Variants in SLC8A1 observed in about 807,000 individuals in gnomAD.
The protein encoded by SLC8A1 is sodium/calcium exchanger 1.
A neutral mutation model predicts 68.3 loss-of-function variants in SLC8A1; 18 were observed. That is an observed-to-expected ratio of 0.26 (90% CI 0.18 to 0.39). SLC8A1 has a LOEUF of 0.39. Ranked by LOEUF, SLC8A1 falls within the 10% of genes least tolerant of loss-of-function variation. The pLI is 1.00. For missense variants in SLC8A1, 985 were observed against 1,156.7 expected, an observed-to-expected ratio of 0.85 and a Z score of 2.15; for synonymous variants, 475 against 415.5, an observed-to-expected ratio of 1.14 and a Z score of -1.74.
In SLC8A1 at chr2:40,303,273, G is replaced by A. The variant is rs2071882875; in HGVS notation, c.1808+125200C>T. ...AGCAGGAAAGAAGCTTTCCCAAAGAGGAGGAGATTTTACTTCAAGAGTTAT... is the reference window on the plus strand; with the variant it reads ...AGCAGGAAAGAAGCTTTCCCAAAGAAGAGGAGATTTTACTTCAAGAGTTAT... On this transcript the variant is annotated intron_variant, in intron 2 of 7. Transcript: ENST00000406785. Among the ~76,000 whole-genome samples the A allele has an allele frequency of 2.0e-5, 3 of 152,294 alleles. No individual in the cohort carries two copies. The South Asian group carries it at 6.2e-4, about 32-fold the overall frequency.
At chr2:40,414,834 C>CA (rs2149714332) in intron 2 of SLC8A1, among the ~76,000 whole-genome samples, 1 of 152,102 alleles carries the variant, frequency 6.6e-6, no homozygotes, top group Non-Finnish European at 1.5e-5. Flanking sequence ...TCTACTCCTA[C>CA]AAAATCACCT....
At chr2:40,199,356 G>A (rs2053700382) in intron 2 of SLC8A1, among the ~76,000 whole-genome samples, 1 of 151,596 alleles carries the variant, frequency 6.6e-6, no homozygotes, top group Non-Finnish European at 1.5e-5. Context: ...TTCCTGAAGT[G>A]GCACTCCTCT....
intron 4 of SLC8A1, 28 bp downstream of exon 5, chr2:40,174,797 G>T (rs753368117): frequency 4.5e-5 from 72 of 1,605,540 alleles, no homozygotes; most frequent in Non-Finnish European, 6.0e-5. Context: ...GTAAAAGTTA[G>T]ATAGCATTAG....
chr2:40,173,290 TA>T lies in SLC8A1; in HGVS notation c.1930+1534del, dbSNP rs573259161. ...GAATGAGAAAAAGGAGATAAAAGTT[TA>T]AAAAAAGGAGTATAAATTCCTGCAC... On this transcript the variant is annotated intron_variant, in intron 4 of 7. Coordinates refer to ENST00000406785, the Ensembl canonical transcript of SLC8A1. 3.3e-3 allele frequency among the ~76,000 whole-genome samples: 505 copies of T among 152,146 alleles called. 1 individual carries two copies. Among genetic ancestry groups the T allele is most frequent in the Non-Finnish European group, 4.7e-3 (321 of 67,982 alleles).
In SLC8A1 at chr2:40,307,146, TAC is replaced by T. The variant is rs144335092; in HGVS notation, c.1808+121325_1808+121326del. Among the ~76,000 whole-genome samples, 555 of 148,066 alleles carry T rather than the reference TAC, an allele frequency of 3.7e-3. 2 individuals are homozygous for T. Among genetic ancestry groups the T allele is most frequent in the African/African-American group, 7.5e-3 (301 of 40,380 alleles). ...ATGACTGGCTAAAGAAAATGTGATATACACACACACACACACACACACACAAA... is the reference window on the plus strand; with the variant it reads ...ATGACTGGCTAAAGAAAATGTGATATACACACACACACACACACACACAAA... On this transcript the variant is annotated intron_variant, in intron 2 of 7. Transcript: ENST00000406785.
chr2:40,314,258 T>A (rs1308847261), intron 2 of SLC8A1, among the ~76,000 whole-genome samples: 1 of 152,096 alleles, frequency 6.6e-6, no homozygotes, highest in Non-Finnish European at 1.5e-5. Context: ...TGCACAGAAT[T>A]GCCTTGTATT....
intron 6 of SLC8A1, among the ~76,000 whole-genome samples, chr2:40,141,252 T>C (rs923228613): frequency 6.6e-6 from 1 of 152,136 alleles, no homozygotes; most frequent in Non-Finnish European, 1.5e-5. Flanking sequence ...AGGCAAGCCA[T>C]TGGGTGCAGA....
chr2:40,153,703 A>G (rs912845881), intron 6 of SLC8A1, among the ~76,000 whole-genome samples: 4 of 152,186 alleles, frequency 2.6e-5, no homozygotes, highest in African/African-American at 9.7e-5. Context: ...CATTGATTCC[A>G]TTTTGTTTCA....
At chr2:40,117,058 A>G (rs2035599506) in intron 7 of SLC8A1, 1 of 152,202 alleles carries the variant, frequency 6.6e-6, no homozygotes, top group South Asian at 2.1e-4. Flanking sequence ...ACTACATGTA[A>G]ATAAAATGCT....
intron 2 of SLC8A1, among the ~76,000 whole-genome samples, chr2:40,183,557 G>A (rs1020395324): frequency 6.6e-6 from 1 of 152,206 alleles, no homozygotes; most frequent in African/African-American, 2.4e-5. Context: ...CTCACCTAAA[G>A]TGGGGGACTT....
intron 2 of SLC8A1, among the ~76,000 whole-genome samples, chr2:40,346,784 G>C (rs1575584177): frequency 1.3e-5 from 2 of 151,930 alleles, no homozygotes; most frequent in Non-Finnish European, 2.9e-5. Context: ...AAAGGAAAGG[G>C]AAAAAAGTCT....
chr2:40,394,589 A>C (rs1022069609), intron 2 of SLC8A1, among the ~76,000 whole-genome samples: 1 of 151,942 alleles, frequency 6.6e-6, no homozygotes. Context: ...TGCCTACTAC[A>C]TATTTATTGA....
intron 2 of SLC8A1, among the ~76,000 whole-genome samples, chr2:40,285,923 T>A (rs2068228550): frequency 6.6e-6 from 1 of 152,194 alleles, no homozygotes; most frequent in South Asian, 2.1e-4. Flanking sequence ...TTATATGATC[T>A]TCTGATTAGA....
intron 1 of SLC8A1, among the ~76,000 whole-genome samples, chr2:40,503,622 A>G (rs1706184974): frequency 6.6e-6 from 1 of 152,032 alleles, no homozygotes; most frequent in Non-Finnish European, 1.5e-5. Context: ...AAGACACAAA[A>G]TCAACACACA....
chr2:40,345,337 T>A (rs993383701), intron 2 of SLC8A1, among the ~76,000 whole-genome samples: 2 of 152,176 alleles, frequency 1.3e-5, no homozygotes, highest in East Asian at 3.9e-4. Flanking sequence ...GCTTCATAAA[T>A]TATATTTCCA....
At chr2:40,227,024 C>A (rs2059066150) in intron 2 of SLC8A1, among the ~76,000 whole-genome samples, 1 of 152,066 alleles carries the variant, frequency 6.6e-6, no homozygotes. Context: ...GACTCACCAT[C>A]AAGTTTTAAA....
chr2:40,453,685 T>C (rs184494453), upstream of SLC8A1, among the ~76,000 whole-genome samples: 2 of 152,316 alleles, frequency 1.3e-5, no homozygotes, highest in Admixed American at 6.5e-5. Flanking sequence ...CTATGTGCAA[T>C]GAAGGTTGAG....
chr2:40,315,159 T>C (rs2074265523), intron 2 of SLC8A1, among the ~76,000 whole-genome samples: 1 of 151,994 alleles, frequency 6.6e-6, no homozygotes, highest in Non-Finnish European at 1.5e-5. Context: ...TTGAAGAAGT[T>C]CCCACTATTC....
At chr2:40,189,495 A>G (rs2051343121) in intron 2 of SLC8A1, among the ~76,000 whole-genome samples, 1 of 151,874 alleles carries the variant, frequency 6.6e-6, no homozygotes, top group South Asian at 2.1e-4. Context: ...TAATTTTTGT[A>G]TTTTTAGTAG....
Sources: gnomAD v4.1 joint callset for allele counts (sites outside exome capture counted in the v4.1 genomes callset) on GRCh38, gnomAD v4.1.1 for gene constraint, MANE v1.5 for transcripts, NCBI Gene and HGNC (gene_info 2026-07-23, HGNC 2026-07-21) for gene names.